The following UQCRC2 variants were observed in gnomAD, a reference collection of about 807,000 sequenced individuals.
UQCRC2 encodes ubiquinol-cytochrome c reductase core protein 2, also known as cytochrome b-c1 complex subunit 2, mitochondrial.
Under a neutral mutation model 55.6 loss-of-function variants are expected in UQCRC2, and 49 were observed. That is an observed-to-expected ratio of 0.88 (90% CI 0.70 to 1.12). The LOEUF is 1.12. Ranked by LOEUF, UQCRC2 falls within the 50% of genes most tolerant of loss-of-function variation. The pLI is 0.00. For missense variants in UQCRC2, 506 were observed against 547.8 expected, an observed-to-expected ratio of 0.92 and a Z score of 0.76; for synonymous variants, 193 against 192.0, an observed-to-expected ratio of 1.01 and a Z score of -0.04.
chr16:21,957,682 T>C, intron 3 of UQCRC2, 116 bp downstream of exon 3: 1 of 1,424,884 alleles, frequency 7.0e-7, no homozygotes, highest in South Asian at 1.4e-5. Context: ...CCATAACAAA[T>C]TACCACGGAC....
At chr16:21,962,683 A>G in intron 5 of UQCRC2, 78 bp from the exon 6 acceptor site, 1 of 1,602,474 alleles carries the variant, frequency 6.2e-7, no homozygotes, top group Non-Finnish European at 8.5e-7. Context: ...TCACATTGAG[A>G]GCATTACAGC....
Position 21,972,107 on chromosome 16 carries a change from T to G in UQCRC2, c.951T>G (p.Thr317=). The G allele has an allele frequency of 6.2e-7, 1 of 1,613,586 alleles. No homozygotes were observed. ...SHLHQAVAKA[T]QQPFDVSAFN... The stretch of plus-strand genomic sequence containing the variant: ...TGCACCAGGCTGTTGCCAAGGCAAC[T>G]CAGCAGCCATTTGATGTGAGTCTGA... Residue 317 remains threonine (T), a synonymous_variant, in exon 10 of 14, where the codon ACT becomes ACG. Coordinates refer to ENST00000268379, the MANE Select transcript of UQCRC2 (RefSeq NM_003366.4).
At position 21,976,346 on chromosome 16, in the gene UQCRC2, G is replaced by A. The variant is rs1898584995; in HGVS notation, c.1124+103G>A. 22 of 989,008 alleles carry A rather than the reference G, an allele frequency of 2.2e-5. No homozygotes were observed. In the South Asian group the frequency reaches 3.1e-4, roughly 14 times the overall value. 61.3% of individuals were successfully genotyped at this position (989,008 alleles called of 1,614,324 possible). ...AATCTATGCTCATAAGGACTGAGAAGTACAGAAAAGCGTAAAAAGGGAAAC... is the reference window on the plus strand; with the variant it reads ...AATCTATGCTCATAAGGACTGAGAAATACAGAAAAGCGTAAAAAGGGAAAC... On this transcript the variant is annotated intron_variant, in intron 12 of 13. Transcript: ENST00000268379.
chr16:21,967,556 AAACCAGTGAT>A (rs1182288896), intron 7 of UQCRC2, among the ~76,000 whole-genome samples: 1 of 152,182 alleles, frequency 6.6e-6, no homozygotes, highest in Non-Finnish European at 1.5e-5. Flanking sequence ...GTGGTAATAT[AAACCAGTGAT>A]AACCAAGTCT....
intron 8 of UQCRC2, 75 bp from the exon 9 acceptor site, chr16:21,971,450 A>G (rs914765205): frequency 7.8e-7 from 1 of 1,278,898 alleles, no homozygotes; most frequent in African/African-American, 1.5e-5. Flanking sequence ...GTATTTTTAA[A>G]ACAAGGAAAA....
At position 21,971,592 on chromosome 16, in the gene UQCRC2, A is replaced by G. The variant is rs1350518870; in HGVS notation, c.738A>G (p.Leu246=). The G allele has an allele frequency of 6.2e-7, 1 of 1,614,190 alleles. No homozygotes were observed. The highest frequency in any genetic ancestry group is 8.5e-7 in the Non-Finnish European group (1 of 1,180,024). ...QFLNMRGGLG[L]SGAKANYRGG... is the part of the protein sequence containing the mutation. ...TCAACATGAGGGGTGGGCTTGGTTT[A>G]TCTGGTGCAAAGGCCAACTACCGTG... Residue 246 remains leucine, a synonymous_variant, in exon 9 of 14, where the codon TTA becomes TTG. Coordinates refer to ENST00000268379, the MANE Select transcript of UQCRC2 (RefSeq NM_003366.4).
intron 4 of UQCRC2, chr16:21,959,905 A>G (rs1184328581): frequency 2.0e-5 from 3 of 152,182 alleles, no homozygotes; most frequent in African/African-American, 7.2e-5. Context: ...TTTCTGAGCA[A>G]TGGGCTTAAA....
At chr16:21,961,626 T>A (rs1464462974) in intron 4 of UQCRC2, among the ~76,000 whole-genome samples, 3 of 64,472 alleles carry the variant, frequency 4.7e-5, no homozygotes, top group Non-Finnish European at 8.5e-5. Context: ...AACATAAAAT[T>A]TATATATATA....
Position 21,976,206 on chromosome 16 carries a change from C to A in UQCRC2, c.1087C>A (p.Gln363Lys), listed in dbSNP as rs1898581004. 1.9e-6 allele frequency: 3 copies of A among 1,614,008 alleles called. No individual in the cohort carries two copies. Among genetic ancestry groups the A allele is most frequent in the Middle Eastern group, 1.6e-4 (1 of 6,062 alleles). Residue 363 changes from glutamine (Q) to lysine (K), a missense_variant, in exon 12 of 14, where the codon CAA becomes AAA. Transcript: ENST00000268379. ...CTATAATCAAGTAAAAACAATAGCT[C>A]AAGGAAACCTTTCCAACACAGATGT... Reference protein sequence around the residue: ...AAYNQVKTIAQGNLSNTDVQA... With the variant: ...AAYNQVKTIAKGNLSNTDVQA...
intron 1 of UQCRC2, among the ~76,000 whole-genome samples, chr16:21,955,374 C>T (rs972206546): frequency 1.3e-5 from 2 of 152,220 alleles, no homozygotes; most frequent in Non-Finnish European, 2.9e-5. Context: ...AACAAACAGC[C>T]TTCTGGACAG....
chr16:21,956,068 G>T (rs990542647), intron 1 of UQCRC2, among the ~76,000 whole-genome samples: 20 of 152,046 alleles, frequency 1.3e-4, no homozygotes, highest in Non-Finnish European at 2.6e-4. Context: ...CAGGTGATCC[G>T]CCCACCTTGG....
In UQCRC2 at chr16:21,974,420, CAGAA is replaced by C. The variant is rs548299559; in HGVS notation, c.1047+450_1047+453del. Among the ~76,000 whole-genome samples the C allele has an allele frequency of 3.9e-3, 600 of 152,040 alleles. 1 individual carries two copies. Among genetic ancestry groups the C allele is most frequent in the African/African-American group, 0.013 (543 of 41,470 alleles). ...GGCTAAGAAAAATGGCCCAGGTAAACAGAAAGAAAAAGAGAAGCTGATATATTTG... is the reference window on the plus strand; with the variant it reads ...GGCTAAGAAAAATGGCCCAGGTAAACAGAAAAAGAGAAGCTGATATATTTG... On this transcript the variant is annotated intron_variant, in intron 11 of 13. Coordinates refer to ENST00000268379, the MANE Select transcript of UQCRC2 (RefSeq NM_003366.4).
intron 6 of UQCRC2, among the ~76,000 whole-genome samples, chr16:21,964,276 G>T (rs1567472134): frequency 6.6e-6 from 1 of 152,144 alleles, no homozygotes; most frequent in South Asian, 2.1e-4. Flanking sequence ...TTCCCCACTG[G>T]CGGCAGTGAG....
At chr16:21,958,718 C>G (rs1898135096) in intron 4 of UQCRC2, 119 bp downstream of exon 4, 1 of 851,138 alleles carries the variant, frequency 1.2e-6, no homozygotes, top group African/African-American at 1.7e-5. Flanking sequence ...AAGGAAAAGA[C>G]TGATGAATTT....
chr16:21,970,147 A>G (rs972064649), intron 8 of UQCRC2, among the ~76,000 whole-genome samples: 5 of 152,194 alleles, frequency 3.3e-5, no homozygotes, highest in Non-Finnish European at 7.4e-5. Flanking sequence ...TGTCAATTCA[A>G]TGTCTTATTC....
At position 21,957,459 on chromosome 16, in the gene UQCRC2, A is replaced by G. The variant is rs1039956903; in HGVS notation, c.160A>G (p.Asn54Asp). The G allele has an allele frequency of 1.2e-6, 2 of 1,614,026 alleles. No homozygotes were observed. Among genetic ancestry groups the G allele is most frequent in the African/African-American group, 2.7e-5 (2 of 74,910 alleles). Reference sequence around the variant, plus strand: ...TGGCTTGGTGATTGCTTCTTTGGAAAACTATTCTCCTGTATCAAGAATTGG... The same window carrying G: ...TGGCTTGGTGATTGCTTCTTTGGAAGACTATTCTCCTGTATCAAGAATTGG... ...PNGLVIASLENYSPVSRIGLF... is the reference protein window; with the variant it reads ...PNGLVIASLEDYSPVSRIGLF... The change falls in exon 3 of 14, where the codon AAC becomes GAC. Residue 54 changes from asparagine (N) to aspartate (D), a missense_variant. By Grantham distance (23) the Asn-to-Asp change is conservative. Coordinates refer to ENST00000268379, the MANE Select transcript of UQCRC2 (RefSeq NM_003366.4).
intron 7 of UQCRC2, among the ~76,000 whole-genome samples, chr16:21,966,413 A>G (rs1366349643): frequency 6.6e-6 from 1 of 152,148 alleles, no homozygotes; most frequent in Non-Finnish European, 1.5e-5. Context: ...TAAATCTACA[A>G]GTGTAGATAT....
At chr16:21,965,191 C>T (rs892260185) in intron 6 of UQCRC2, among the ~76,000 whole-genome samples, 2 of 152,224 alleles carry the variant, frequency 1.3e-5, no homozygotes, top group Non-Finnish European at 2.9e-5. Context: ...TATATAGAAG[C>T]TGCTGCCATG....
At chr16:21,953,943 A>G (rs937286999) in intron 1 of UQCRC2, among the ~76,000 whole-genome samples, 3 of 152,154 alleles carry the variant, frequency 2.0e-5, no homozygotes, top group Admixed American at 1.3e-4. Context: ...GTTAAATACT[A>G]TGGTGTCTTA....
Sources: allele counts gnomAD v4.1 joint callset (sites outside exome capture counted in the v4.1 genomes callset), GRCh38; gene constraint gnomAD v4.1.1; transcripts MANE v1.5; gene names NCBI Gene and HGNC (gene_info 2026-07-23, HGNC 2026-07-21).